ZCCHC4: variants seen among roughly 807,000 people sequenced by gnomAD.
The protein encoded by ZCCHC4 is zinc finger CCHC-type containing 4, also known as rRNA N(6)-adenosine-methyltransferase ZCCHC4.
Under a neutral mutation model 67.7 loss-of-function variants are expected in ZCCHC4, and 54 were observed. The observed-to-expected ratio is 0.80, with a 90% CI of 0.64 to 1.00. ZCCHC4 has a LOEUF of 1.00. Among genes scored for constraint, ZCCHC4 ranks in the 50% least tolerant of loss-of-function variants. The probability of loss-of-function intolerance (pLI) is 0.00; values close to 1 mark genes in which losing one functional copy is unlikely to be tolerated. For missense variants in ZCCHC4, 609 were observed against 617.0 expected (o/e 0.99, Z 0.14); for synonymous variants, 198 against 213.5 (o/e 0.93, Z 0.63).
intron 3 of ZCCHC4, among the ~76,000 whole-genome samples, chr4:25,326,629 A>G (rs960133940): frequency 6.6e-6 from 1 of 151,984 alleles, no homozygotes; most frequent in Non-Finnish European, 1.5e-5. Flanking sequence ...GGGTAGTGTA[A>G]GTCTTCTTTG....
In ZCCHC4 at chr4:25,349,545, CATT is replaced by C. The variant is rs1177292271; in HGVS notation, c.816_818del (p.Ile272del). On this transcript the variant is annotated inframe_deletion, in exon 7 of 13. Transcript: ENST00000302874. ...TACAGGAAGATAAAGGCGAAGGAAT[CATT>C]ATGGTGACGGATCCTCCGTTTGGTG... 6.2e-7 allele frequency: 1 copy of C among 1,614,024 alleles called. No individual in the cohort carries two copies. The highest frequency in any genetic ancestry group is 8.5e-7 in the Non-Finnish European group (1 of 1,179,904).
intron 3 of ZCCHC4, 46 bp downstream of exon 3, chr4:25,315,446 T>G (rs777192842): frequency 6.8e-7 from 1 of 1,461,470 alleles, no homozygotes; most frequent in Non-Finnish European, 9.3e-7. Context: ...GCTGTCATTT[T>G]TTTTGTTATT....
intron 3 of ZCCHC4, among the ~76,000 whole-genome samples, chr4:25,320,363 TA>T (rs1718517678): frequency 6.6e-6 from 1 of 152,216 alleles, no homozygotes; most frequent in Admixed American, 6.5e-5. Context: ...TTCATTTGGT[TA>T]TTTTTTTTCA....
intron 3 of ZCCHC4, among the ~76,000 whole-genome samples, chr4:25,324,138 A>G (rs1370105778): frequency 6.7e-6 from 1 of 150,160 alleles, no homozygotes; most frequent in Non-Finnish European, 1.5e-5. Flanking sequence ...CAGCCTCCCA[A>G]GTAGCTGGGA....
intron 5 of ZCCHC4, among the ~76,000 whole-genome samples, chr4:25,339,033 T>TC (rs1397446300): frequency 6.6e-6 from 1 of 152,204 alleles, no homozygotes; most frequent in Non-Finnish European, 1.5e-5. Context: ...GTTTGGTTTC[T>TC]CCTGAGGCCT....
chr4:25,312,986 G>C, intron 1 of ZCCHC4, 50 bp downstream of exon 1: 1 of 1,600,712 alleles, frequency 6.2e-7, no homozygotes, highest in Non-Finnish European at 8.5e-7. Flanking sequence ...GAGGGTGTGA[G>C]TTGGCTTGGA....
intron 3 of ZCCHC4, among the ~76,000 whole-genome samples, chr4:25,317,143 G>C (rs1389454630): frequency 6.6e-6 from 1 of 152,162 alleles, no homozygotes; most frequent in East Asian, 1.9e-4. Flanking sequence ...ATGACAAATA[G>C]GTTTTTACTT....
At position 25,349,880 on chromosome 4, in the gene ZCCHC4, T is replaced by A. The variant is rs900760169; in HGVS notation, c.910+238T>A. On this transcript the variant is annotated intron_variant, in intron 7 of 12. Coordinates refer to ENST00000302874, the MANE Select transcript of ZCCHC4 (RefSeq NM_024936.3). ...TAAAATACTATGTTTTTGATGGGGA[T>A]AATGGGACATTATGCAGAACAGCAG... 5.3e-5 allele frequency among the ~76,000 whole-genome samples: 8 copies of A among 152,306 alleles called. No individual in the cohort carries two copies. In the East Asian group the frequency reaches 1.5e-3, roughly 29 times the overall value.
intron 12 of ZCCHC4, 151 bp downstream of exon 12, chr4:25,365,317 G>A: frequency 7.1e-7 from 1 of 1,417,778 alleles, no homozygotes. Context: ...GATGGAGGGA[G>A]GAGAGGAAGA....
At position 25,342,109 on chromosome 4, in the gene ZCCHC4, T is replaced by C. The variant is rs542713862; in HGVS notation, c.687-3439T>C. Among the ~76,000 whole-genome samples, 7 of 152,348 alleles carry C rather than the reference T, an allele frequency of 4.6e-5. No individual in the cohort carries two copies. The South Asian group carries it at 8.3e-4, about 18-fold the overall frequency. ...GTTTTTTTGATAACGTAGTCTGTTA[T>C]TGAGTCAGTTCTGTAGAGGTCAACA... On this transcript the variant is annotated intron_variant, in intron 5 of 12. Coordinates refer to ENST00000302874, the MANE Select transcript of ZCCHC4 (RefSeq NM_024936.3).
chr4:25,352,782 CAG>C (rs1720362427), intron 8 of ZCCHC4, among the ~76,000 whole-genome samples: 2 of 152,226 alleles, frequency 1.3e-5, no homozygotes, highest in African/African-American at 4.8e-5. Flanking sequence ...CTGATTAAGG[CAG>C]AGTTTTAGCT....
chr4:25,342,145 A>T (rs1407947143), intron 5 of ZCCHC4, among the ~76,000 whole-genome samples: 1 of 152,156 alleles, frequency 6.6e-6, no homozygotes, highest in East Asian at 1.9e-4. Context: ...ATAGTTCTTA[A>T]GAGAGAGCTG....
intron 5 of ZCCHC4, among the ~76,000 whole-genome samples, chr4:25,340,495 T>A (rs972138359): frequency 6.6e-6 from 1 of 152,144 alleles, no homozygotes; most frequent in Admixed American, 6.6e-5. Flanking sequence ...CGTTTCCATA[T>A]GAATGTTAGG....
chr4:25,315,359 A>G lies in ZCCHC4; in HGVS notation c.288A>G (p.Arg96=). The G allele has an allele frequency of 3.1e-6, 5 of 1,613,198 alleles. No homozygotes were observed. The highest frequency in any genetic ancestry group is 4.2e-6 in the Non-Finnish European group (5 of 1,179,454). The change falls in exon 3 of 13, where the codon CGA becomes CGG. Residue 96 remains arginine, a synonymous_variant. Transcript: ENST00000302874. ...TTGCTGCCCGAGAAGCTCATAACCGAAGATGTCAGCCTCCCCTGTCCCGAA... is the reference window on the plus strand; with the variant it reads ...TTGCTGCCCGAGAAGCTCATAACCGGAGATGTCAGCCTCCCCTGTCCCGAA... ...ARLAAREAHN[R]RCQPPLSRTQ...
rs1482153140 is a variant in ZCCHC4, at chr4:25,370,067, G to A, written c.*903G>A. On this transcript the variant is annotated 3_prime_UTR_variant, in exon 13 of 13. Transcript: ENST00000302874. ...GTACTTTTTGCAGTTGTCCTCTGAC[G>A]GTCTAGAATCACTTAAATGCTTGTT... 2 of 152,082 alleles carry A rather than the reference G, an allele frequency of 1.3e-5. No homozygotes were observed. Among genetic ancestry groups the A allele is most frequent in the South Asian group, 2.1e-4 (1 of 4,824 alleles). 9.4% of individuals were successfully genotyped at this position (152,082 alleles called of 1,614,324 possible).
chr4:25,337,870 T>G (rs187862437), intron 5 of ZCCHC4, among the ~76,000 whole-genome samples: 92 of 152,256 alleles, frequency 6.0e-4, no homozygotes, highest in East Asian at 2.9e-3. Context: ...TTAGTGGACT[T>G]ACTTACAAAC....
Position 25,361,851 on chromosome 4 carries a change from C to A in ZCCHC4, c.1012-8C>A. On this transcript the variant is annotated splice_polypyrimidine_tract_variant and splice_region_variant and intron_variant, in intron 8 of 12. Coordinates refer to ENST00000302874, the MANE Select transcript of ZCCHC4 (RefSeq NM_024936.3). ...ATTTTCTTTCTGCTCTAATTTTTAA[C>A]TTTCTAGGTAGATTATGATAATCAT... 1 of 1,593,166 alleles carries A rather than the reference C, an allele frequency of 6.3e-7. No homozygotes were observed.
chr4:25,330,871 G>A (rs1258859535), intron 3 of ZCCHC4, among the ~76,000 whole-genome samples: 1 of 152,144 alleles, frequency 6.6e-6, no homozygotes, highest in East Asian at 1.9e-4. Flanking sequence ...TTGCCTTGGG[G>A]AGTTTCTGCA....
rs142912175 is a variant in ZCCHC4 at position 25,334,964 on chromosome 4, A to G, written c.686+976A>G. 3.2e-3 allele frequency among the ~76,000 whole-genome samples: 487 copies of G among 152,066 alleles called. 1 individual carries two copies. Among genetic ancestry groups the G allele is most frequent in the African/African-American group, 0.011 (470 of 41,456 alleles). On this transcript the variant is annotated intron_variant, in intron 5 of 12. Coordinates refer to ENST00000302874, the MANE Select transcript of ZCCHC4 (RefSeq NM_024936.3). ...GCGATCCTCTAACCTCAGTCCCCCT[A>G]GTAGCTAGGACTACAGGTTAGCACT... is the stretch of plus-strand genomic sequence containing the variant.
Sources: gnomAD v4.1 joint callset for allele counts (sites outside exome capture counted in the v4.1 genomes callset) on GRCh38, gnomAD v4.1.1 for gene constraint, MANE v1.5 for transcripts, NCBI Gene and HGNC (gene_info 2026-07-23, HGNC 2026-07-21) for gene names.